The following EDA variants were observed in gnomAD, a reference collection of about 807,000 sequenced individuals.
EDA encodes the protein ectodysplasin A.
A neutral mutation model predicts 23.6 loss-of-function variants in EDA; 2 were observed. The ratio of observed to expected loss-of-function variants is 0.08; its 90% CI spans 0.03 to 0.27. EDA has a LOEUF of 0.27. Among genes scored for constraint, EDA ranks in the 10% least tolerant of loss-of-function variants. The probability of loss-of-function intolerance (pLI) is 1.00; values close to 1 mark genes in which losing one functional copy is unlikely to be tolerated. For missense variants in EDA, 229 were observed against 324.2 expected (o/e 0.71, Z 2.26); for synonymous variants, 131 against 132.0 (o/e 0.99, Z 0.05).
At chrX:69,715,727 C>G (rs2012300255) in intron 1 of EDA, among the ~76,000 whole-genome samples, 1 of 112,121 alleles carries the variant, frequency 8.9e-6, no homozygotes, top group Admixed American at 9.5e-5. Context: ...CTTTTCTTTG[C>G]AACCTCTCCA....
intron 1 of EDA, among the ~76,000 whole-genome samples, chrX:69,948,418 T>A (rs978793361): frequency 4.5e-5 from 5 of 111,727 alleles, no homozygotes; most frequent in Non-Finnish European, 7.5e-5. Context: ...CTCTGACATA[T>A]CTACAACAAG....
Position 70,035,948 on chromosome X carries a change from G to T in EDA, c.*339G>T. The T allele has an allele frequency of 3.5e-6, 1 of 285,264 alleles. No homozygotes were observed. Among genetic ancestry groups the T allele is most frequent in the East Asian group, 6.9e-5 (1 of 14,487 alleles). 23.5% of individuals were successfully genotyped at this position (285,264 alleles called of 1,213,427 possible). ...TGCACTAAAATGAGGATCCAGGGCA[G>T]CAGGCCAGAGAAAGCAAAGGTGCAC... On this transcript the variant is annotated 3_prime_UTR_variant, in exon 8 of 8. Coordinates refer to ENST00000374552, the MANE Select transcript of EDA (RefSeq NM_001399.5).
At chrX:69,654,978 A>G (rs1933255433) in intron 1 of EDA, among the ~76,000 whole-genome samples, 1 of 111,412 alleles carries the variant, frequency 9.0e-6, no homozygotes, top group Non-Finnish European at 1.9e-5. Context: ...AACAAAAAAA[A>G]GAACAAAGTC....
chrX:69,758,886 T>A (rs896190397), intron 1 of EDA, among the ~76,000 whole-genome samples: 1 of 111,703 alleles, frequency 9.0e-6, no homozygotes, highest in South Asian at 3.7e-4. Flanking sequence ...CAGATGGAGA[T>A]CACATCTTTT....
chrX:69,796,195 CT>C (rs1010278342), intron 1 of EDA, among the ~76,000 whole-genome samples: 2 of 111,921 alleles, frequency 1.8e-5, no homozygotes, highest in African/African-American at 6.5e-5. Context: ...GTCCAGGGGC[CT>C]GATAACCCAC....
At chrX:69,722,853 T>C (rs767295597) in intron 1 of EDA, among the ~76,000 whole-genome samples, 2 of 112,202 alleles carry the variant, frequency 1.8e-5, no homozygotes, top group Non-Finnish European at 3.8e-5. Flanking sequence ...GTACTATTAA[T>C]AATAGGACCA....
intron 2 of EDA, among the ~76,000 whole-genome samples, chrX:69,997,211 A>G (rs1354932655): frequency 8.9e-6 from 1 of 112,406 alleles, no homozygotes; most frequent in East Asian, 2.8e-4. Flanking sequence ...TGGTTTTGAC[A>G]AAAATGCTGA....
intron 1 of EDA, among the ~76,000 whole-genome samples, chrX:69,915,527 C>G (rs1257660032): frequency 2.8e-5 from 3 of 108,423 alleles, no homozygotes; most frequent in Non-Finnish European, 5.7e-5. Flanking sequence ...CACTTGAACC[C>G]AGGAGGCGGA....
chrX:69,652,780 T>TTA (rs1448879969), intron 1 of EDA, among the ~76,000 whole-genome samples: 6 of 111,715 alleles, frequency 5.4e-5, no homozygotes, highest in Admixed American at 9.6e-5. Context: ...TATGAAAGTG[T>TTA]TAGAGAATAT....
intron 2 of EDA, among the ~76,000 whole-genome samples, chrX:70,022,305 C>G (rs1169004074): frequency 1.8e-5 from 2 of 109,962 alleles, no homozygotes; most frequent in African/African-American, 6.7e-5. Context: ...AAATGGTTGA[C>G]ATGTCTTATT....
At chrX:69,958,214 G>A (rs964966190) in intron 2 of EDA, among the ~76,000 whole-genome samples, 1 of 112,416 alleles carries the variant, frequency 8.9e-6, no homozygotes, top group South Asian at 3.7e-4. Context: ...GGGCACAGGG[G>A]TTTGTAGAAT....
chrX:69,664,287 C>A (rs1179883328), intron 1 of EDA, among the ~76,000 whole-genome samples: 1 of 111,329 alleles, frequency 9.0e-6, no homozygotes. Context: ...GTATTTGAAT[C>A]AAGGGGCGTG....
At chrX:69,658,858 G>A (rs1181466742) in intron 1 of EDA, among the ~76,000 whole-genome samples, 1 of 111,642 alleles carries the variant, frequency 9.0e-6, no homozygotes, top group African/African-American at 3.3e-5. Context: ...TTCGCAGTCT[G>A]TAAAAGGAGG....
intron 2 of EDA, among the ~76,000 whole-genome samples, chrX:69,982,375 G>A (rs779661136): frequency 9.0e-6 from 1 of 111,097 alleles, no homozygotes; most frequent in Non-Finnish European, 1.9e-5. Flanking sequence ...CCACAAAGGA[G>A]CGTTGCATAG....
At chrX:69,831,627 C>T (rs991162280) in intron 1 of EDA, among the ~76,000 whole-genome samples, 4 of 112,341 alleles carry the variant, frequency 3.6e-5, no homozygotes, top group Middle Eastern at 4.2e-3. Flanking sequence ...CCTGAGGAAT[C>T]GCCACACTGT....
chrX:69,807,314 T>A (rs2015837279), intron 1 of EDA, among the ~76,000 whole-genome samples: 1 of 105,023 alleles, frequency 9.5e-6, no homozygotes, highest in East Asian at 3.0e-4. Flanking sequence ...ATGCCATATC[T>A]GGGTAAGAGC....
At chrX:69,707,118 GAAC>G (rs2011759485) in intron 1 of EDA, among the ~76,000 whole-genome samples, 1 of 112,326 alleles carries the variant, frequency 8.9e-6, no homozygotes, top group African/African-American at 3.2e-5. Context: ...AGAGTTGGCA[GAAC>G]ATATAGTCAA....
chrX:69,791,901 CA>C (rs1261329719), intron 1 of EDA, among the ~76,000 whole-genome samples: 1 of 112,272 alleles, frequency 8.9e-6, no homozygotes, highest in Non-Finnish European at 1.9e-5. Flanking sequence ...CTTGGTCTCC[CA>C]AAGTGCTGGG....
chrX:69,936,017 A>G (rs1351183038), intron 1 of EDA, among the ~76,000 whole-genome samples: 2 of 106,461 alleles, frequency 1.9e-5, no homozygotes, highest in Non-Finnish European at 3.9e-5. Context: ...AGTACATTAT[A>G]TATATATTAT....
Sources: allele counts gnomAD v4.1 joint callset (sites outside exome capture counted in the v4.1 genomes callset), GRCh38; gene constraint gnomAD v4.1.1; transcripts MANE v1.5; gene names NCBI Gene and HGNC (gene_info 2026-07-23, HGNC 2026-07-21).